ITGB3: variants seen among roughly 807,000 people sequenced by gnomAD.
ITGB3 encodes integrin subunit beta 3, also known as integrin beta-3.
ITGB3 carries 48 observed loss-of-function variants against 85.8 expected under a neutral mutation model. The observed-to-expected ratio is 0.56, with a 90% CI of 0.44 to 0.71. The LOEUF (loss-of-function observed/expected upper bound fraction) is 0.71. ITGB3 is among the 30% of genes least tolerant of loss of function. The pLI is 0.00. For synonymous variants in ITGB3, 363 were observed against 395.6 expected, an observed-to-expected ratio of 0.92 and a Z score of 0.98; for missense variants, 861 against 1,019.1, an observed-to-expected ratio of 0.84 and a Z score of 2.11.
intron 1 of ITGB3, among the ~76,000 whole-genome samples, chr17:47,263,715 C>T (rs1301830533): frequency 1.3e-5 from 2 of 152,166 alleles, no homozygotes; most frequent in African/African-American, 4.8e-5. Flanking sequence ...GTCTTGAACT[C>T]CTGACCTCAG....
At chr17:47,275,851 G>T (rs1193136831) in intron 2 of ITGB3, among the ~76,000 whole-genome samples, 2 of 152,176 alleles carry the variant, frequency 1.3e-5, no homozygotes, top group Non-Finnish European at 2.9e-5. Context: ...TAGGGAAGGG[G>T]TGTAAGGGGG....
rs2065208638 is a variant in ITGB3, at chr17:47,310,283, A to G, written c.*79A>G. On this transcript the variant is annotated 3_prime_UTR_variant, in exon 15 of 15. Coordinates refer to ENST00000559488, the MANE Select transcript of ITGB3 (RefSeq NM_000212.3). ...CCCTGCCATCATGTTTACAGAGGAC[A>G]GTATTTGTGGGGAGGGATTTGGGGC... is the stretch of plus-strand genomic sequence containing the variant. The G allele has an allele frequency of 7.1e-7, 1 of 1,398,662 alleles. No individual in the cohort carries two copies. The highest frequency in any genetic ancestry group is 1.7e-5 in the Admixed American group (1 of 58,748). The allele number at this position is 1,398,662 out of a possible 1,614,324, so 86.6% of individuals were successfully genotyped here.
rs1422887584 is a variant in ITGB3 at position 47,313,702 on chromosome 17, G to T, written c.*3498G>T. Reference sequence around the variant, plus strand: ...CACTTCCTAACCACCTTCTCTGTTTGGGTTTGTGCAACAGTAAATTAAATG... The same window carrying T: ...CACTTCCTAACCACCTTCTCTGTTTTGGTTTGTGCAACAGTAAATTAAATG... On this transcript the variant is annotated 3_prime_UTR_variant, in exon 15 of 15. Coordinates refer to ENST00000559488, the MANE Select transcript of ITGB3 (RefSeq NM_000212.3). 6.6e-6 allele frequency among the ~76,000 whole-genome samples: 1 copy of T among 152,126 alleles called. No homozygotes were observed. The highest frequency in any genetic ancestry group is 6.5e-5 in the Admixed American group (1 of 15,284).
rs375793022 is a variant in ITGB3, at chr17:47,284,245, A to G, written c.362-198A>G. ...GGATTTAGAGAAAGTGGAAAATTTTAGAATGGAAAAGAAGAGGTTAAAAAT... is the reference window on the plus strand; with the variant it reads ...GGATTTAGAGAAAGTGGAAAATTTTGGAATGGAAAAGAAGAGGTTAAAAAT... On this transcript the variant is annotated intron_variant, in intron 3 of 14. Coordinates refer to ENST00000559488, the MANE Select transcript of ITGB3 (RefSeq NM_000212.3). Among the ~76,000 whole-genome samples, 10 of 152,342 alleles carry G rather than the reference A, an allele frequency of 6.6e-5. No homozygotes were observed. The East Asian group carries it at 1.7e-3, about 26-fold the overall frequency.
Position 47,266,659 on chromosome 17 carries a change from C to G in ITGB3, c.80-7760C>G, listed in dbSNP as rs563808614. 5.3e-5 allele frequency among the ~76,000 whole-genome samples: 8 copies of G among 152,236 alleles called. No individual in the cohort carries two copies. The South Asian group carries it at 1.5e-3, about 28-fold the overall frequency. ...GTGGCACAATCACAGCTCACTGCAG[C>G]CTCAACCTCCCAGGTCCAGCTGATT... On this transcript the variant is annotated intron_variant, in intron 1 of 14. Transcript: ENST00000559488.
chr17:47,295,756 G>A (rs1228389207), intron 10 of ITGB3, among the ~76,000 whole-genome samples: 1 of 132,230 alleles, frequency 7.6e-6, no homozygotes, highest in East Asian at 2.8e-4. Context: ...AATGCAGGGT[G>A]TAGTGAAAGG....
rs745757623 is a variant in ITGB3, at chr17:47,292,263, C to T, written c.1385C>T (p.Ala462Val). Reference sequence around the variant, plus strand: ...CAGGTCACCTTTGATTGTGACTGTGCCTGCCAGGCCCAAGCTGAACCTAAT... The same window carrying T: ...CAGGTCACCTTTGATTGTGACTGTGTCTGCCAGGCCCAAGCTGAACCTAAT... ...IVQVTFDCDC[A>V]CQAQAEPNSH... The change falls in exon 10 of 15, where the codon GCC (alanine) becomes GTC (valine). Residue 462 changes from alanine (A) to valine (V), a missense_variant. By Grantham distance (64) the Ala-to-Val change is moderately conservative (BLOSUM62 0). Transcript: ENST00000559488. The T allele has an allele frequency of 1.2e-6, 2 of 1,614,222 alleles. No individual in the cohort carries two copies. Among genetic ancestry groups the T allele is most frequent in the South Asian group, 2.2e-5 (2 of 91,086 alleles).
intron 5 of ITGB3, among the ~76,000 whole-genome samples, 155 bp from the exon 6 acceptor site, chr17:47,286,915 C>T (rs1356589944): frequency 6.6e-6 from 1 of 152,202 alleles, no homozygotes; most frequent in African/African-American, 2.4e-5. Context: ...GCTTCAGCTT[C>T]GGTTCCAAGG....
In ITGB3 at chr17:47,292,392, G is replaced by A. The variant is rs779974422; in HGVS notation, c.1514G>A (p.Arg505His). 19 of 1,613,702 alleles carry A rather than the reference G, an allele frequency of 1.2e-5. No individual in the cohort carries two copies. The highest frequency in any genetic ancestry group is 2.2e-5 in the East Asian group (1 of 44,864). Residue 505 changes from arginine (R) to histidine (H), a missense_variant, in exon 10 of 15, where the codon CGC (arginine) becomes CAC (histidine). Arg to His is a conservative substitution (Grantham distance 29, BLOSUM62 0). Coordinates refer to ENST00000559488, the MANE Select transcript of ITGB3 (RefSeq NM_000212.3). ...TGTGAGTGCTCAGAGGAGGACTATC[G>A]CCCTTCCCAGCAGGACGAATGCAGC... Reference protein sequence around the residue: ...SQCECSEEDYRPSQQDECSPR... With the variant: ...SQCECSEEDYHPSQQDECSPR...
rs568565555 is a variant in ITGB3, at chr17:47,272,718, T to C, written c.80-1701T>C. On this transcript the variant is annotated intron_variant, in intron 1 of 14. Coordinates refer to ENST00000559488, the MANE Select transcript of ITGB3 (RefSeq NM_000212.3). ...TTCTTTCCTTCTTTCTTTCTTTCTT[T>C]CTTTCTTTCGTTCTTTCTTTTCTTT... Among the ~76,000 whole-genome samples, 42 of 145,370 alleles carry C rather than the reference T, an allele frequency of 2.9e-4. 1 individual carries two copies. Among genetic ancestry groups the C allele is most frequent in the Admixed American group, 9.5e-4 (14 of 14,670 alleles).
At chr17:47,268,637 T>G (rs2143052463) in intron 1 of ITGB3, among the ~76,000 whole-genome samples, 1 of 152,392 alleles carries the variant, frequency 6.6e-6, no homozygotes, top group South Asian at 2.1e-4. Flanking sequence ...CCCATGGCTT[T>G]GGGCAGCTCC....
At chr17:47,275,569 C>T (rs8069732) in intron 2 of ITGB3, among the ~76,000 whole-genome samples, 19,467 of 152,194 alleles carry the variant, frequency 0.13, 1,381 homozygotes, top group Non-Finnish European at 0.16. Flanking sequence ...GTTTTATGAC[C>T]GCTCCAATCC....
At chr17:47,280,949 C>T (rs2065081890) in intron 2 of ITGB3, among the ~76,000 whole-genome samples, 1 of 152,180 alleles carries the variant, frequency 6.6e-6, no homozygotes. Context: ...TCTAGCTGGC[C>T]TCTCAGTTCT....
At chr17:47,281,327 C>T in intron 2 of ITGB3, among the ~76,000 whole-genome samples, 1 of 152,212 alleles carries the variant, frequency 6.6e-6, no homozygotes, top group African/African-American at 2.4e-5. Context: ...GGTTTTCCAG[C>T]TTCCTGGCTG....
intron 14 of ITGB3, among the ~76,000 whole-genome samples, chr17:47,309,809 G>A (rs962388026): frequency 2.7e-5 from 4 of 149,926 alleles, no homozygotes; most frequent in Admixed American, 6.7e-5. Context: ...GTGGGAGGAT[G>A]TCTTGAGTCA....
At chr17:47,261,228 G>GC (rs1442123460) in intron 1 of ITGB3, among the ~76,000 whole-genome samples, 1 of 152,146 alleles carries the variant, frequency 6.6e-6, no homozygotes, top group East Asian at 1.9e-4. Flanking sequence ...ACTCTGGGGA[G>GC]CCTACATTTA....
At chr17:47,301,751 AT>A (rs1056140658) in intron 12 of ITGB3, among the ~76,000 whole-genome samples, 1 of 152,044 alleles carries the variant, frequency 6.6e-6, no homozygotes, top group African/African-American at 2.4e-5. Flanking sequence ...ACATTATCTT[AT>A]TTTTCTGTCA....
At chr17:47,275,665 C>T (rs1242521195) in intron 2 of ITGB3, among the ~76,000 whole-genome samples, 2 of 152,116 alleles carry the variant, frequency 1.3e-5, no homozygotes, top group African/African-American at 2.4e-5. Context: ...GGGGGAGGGG[C>T]GGGAGCTGGG....
intron 1 of ITGB3, among the ~76,000 whole-genome samples, chr17:47,266,036 A>G (rs1297871186): frequency 1.3e-5 from 2 of 152,150 alleles, no homozygotes; most frequent in African/African-American, 4.8e-5. Flanking sequence ...TTTCTTAGCA[A>G]CTTGCTCTAG....
Sources: gnomAD v4.1 joint callset for allele counts (sites outside exome capture counted in the v4.1 genomes callset) on GRCh38, gnomAD v4.1.1 for gene constraint, MANE v1.5 for transcripts, NCBI Gene and HGNC (gene_info 2026-07-23, HGNC 2026-07-21) for gene names.